Variants in FAM162B observed in about 807,000 individuals in gnomAD.
The protein encoded by FAM162B is family with sequence similarity 162 member B.
In FAM162B, 16 loss-of-function variants were observed where a neutral mutation model predicts 20.0. That is an observed-to-expected ratio of 0.80 (90% CI 0.54 to 1.21). The LOEUF (loss-of-function observed/expected upper bound fraction) is 1.21, where lower values mean the gene tolerates loss of function less well. Ranked by LOEUF, FAM162B falls within the 50% of genes most tolerant of loss-of-function variation. The probability of loss-of-function intolerance (pLI) is 0.00; values close to 1 mark genes in which losing one functional copy is unlikely to be tolerated. For missense variants in FAM162B, 260 were observed against 227.5 expected (o/e 1.14, Z -0.92); for synonymous variants, 83 against 89.7 (o/e 0.93, Z 0.42).
chr6:116,752,442 A>G lies in FAM162B; in HGVS notation c.*155T>C. The G allele has an allele frequency of 3.2e-6, 1 of 314,234 alleles. No individual in the cohort carries two copies. The highest frequency in any genetic ancestry group is 4.3e-5 in the Admixed American group (1 of 23,388). The allele number at this position is 314,234 out of a possible 1,614,324, so 19.5% of individuals were successfully genotyped here. ...TGAATGCATGGTATACTTCAGTAAA[A>G]GTTTACTAAAAAATAAAAATAAAAA... On this transcript the variant is annotated 3_prime_UTR_variant, in exon 4 of 4. Coordinates refer to ENST00000368557, the MANE Select transcript of FAM162B (RefSeq NM_001085480.3).
chr6:116,765,135 C>G lies in FAM162B; in HGVS notation c.281+12G>C. ...GACCGACTCTCCTTCGCGCGGCGGT[C>G]GCCACACTTACGGGATCCGAGGCGG... On this transcript the variant is annotated intron_variant, in intron 2 of 3. Transcript: ENST00000368557. 6.2e-7 allele frequency: 1 copy of G among 1,611,790 alleles called. No individual in the cohort carries two copies. Among genetic ancestry groups the G allele is most frequent in the East Asian group, 2.2e-5 (1 of 44,854 alleles).
intron 3 of FAM162B, among the ~76,000 whole-genome samples, chr6:116,757,985 T>C (rs1780072881): frequency 6.6e-6 from 1 of 152,052 alleles, no homozygotes; most frequent in Non-Finnish European, 1.5e-5. Context: ...GAAGTTTTGT[T>C]TTTGGTTTTG....
intron 3 of FAM162B, among the ~76,000 whole-genome samples, chr6:116,758,028 T>TA (rs1238543764): frequency 1.3e-5 from 2 of 152,020 alleles, no homozygotes; most frequent in African/African-American, 2.4e-5. Context: ...TATATTTTGA[T>TA]AAAAAATGAT....
At position 116,765,198 on chromosome 6, in the gene FAM162B, A is replaced by G; in HGVS notation, c.230T>C (p.Leu77Pro). The G allele has an allele frequency of 1.9e-6, 3 of 1,613,964 alleles. No homozygotes were observed. Among genetic ancestry groups the G allele is most frequent in the Non-Finnish European group, 2.5e-6 (3 of 1,179,970 alleles). Residue 77 changes from leucine (L) to proline (P), a missense_variant, in exon 2 of 4, where the codon CTG (leucine) becomes CCG (proline). Coordinates refer to ENST00000368557, the MANE Select transcript of FAM162B (RefSeq NM_001085480.3). The part of the protein sequence containing the change: ...RRPSQFDKKI[L>P]LWTGRFKSME... ...CGATTTGAAACGCCCTGTCCACAGC[A>G]GGATTTTCTTGTCGAACTGCGAAGG...
At position 116,752,471 on chromosome 6, in the gene FAM162B, C is replaced by T; in HGVS notation, c.*126G>A. 2.5e-6 allele frequency: 1 copy of T among 397,708 alleles called. No individual in the cohort carries two copies. Among genetic ancestry groups the T allele is most frequent in the South Asian group, 5.3e-5 (1 of 18,828 alleles). The allele number at this position is 397,708 out of a possible 1,614,324, so 24.6% of individuals were successfully genotyped here. ...TACTAAAAAATAAAAATAAAAAAGA[C>T]ATTGTGCTTCTTGTTACCAAAATAA... On this transcript the variant is annotated 3_prime_UTR_variant, in exon 4 of 4. Coordinates refer to ENST00000368557, the MANE Select transcript of FAM162B (RefSeq NM_001085480.3).
At chr6:116,764,638 G>A (rs559817023) in intron 2 of FAM162B, among the ~76,000 whole-genome samples, 1 of 152,108 alleles carries the variant, frequency 6.6e-6, no homozygotes, top group South Asian at 2.1e-4. Context: ...TCCGCCAGGC[G>A]TCTCCTGCCC....
chr6:116,752,427 G>GTATA lies in FAM162B; in HGVS notation c.*166_*169dup, dbSNP rs1780001882. ...GTTTTGTCCACTTTTTGAATGCATG[G>GTATA]TATACTTCAGTAAAAGTTTACTAAA... On this transcript the variant is annotated 3_prime_UTR_variant, in exon 4 of 4. Transcript: ENST00000368557. The GTATA allele has an allele frequency of 3.4e-6, 1 of 289,980 alleles. No individual in the cohort carries two copies. The highest frequency in any genetic ancestry group is 2.2e-5 in the African/African-American group (1 of 45,216). 18.0% of individuals were successfully genotyped at this position (289,980 alleles called of 1,614,324 possible).
chr6:116,755,837 C>G (rs1780045214), intron 3 of FAM162B, among the ~76,000 whole-genome samples: 1 of 152,114 alleles, frequency 6.6e-6, no homozygotes, highest in Non-Finnish European at 1.5e-5. Context: ...AATAATGAAG[C>G]CTGGGTGACA....
chr6:116,762,253 C>T (rs1743806277), intron 2 of FAM162B, among the ~76,000 whole-genome samples, 168 bp from the exon 3 acceptor site: 1 of 152,052 alleles, frequency 6.6e-6, no homozygotes, highest in Non-Finnish European at 1.5e-5. Context: ...TTATTTTTAC[C>T]AATTTCAAAT....
At position 116,752,731 on chromosome 6, in the gene FAM162B, T is replaced by TATATATATATATATATATATAGATAG. The variant is rs1554259842; in HGVS notation, c.391-37_391-36insCTATCTATATATATATATATATATAT. 5 of 426,160 alleles carry TATATATATATATATATATATAGATAG rather than the reference T, an allele frequency of 1.2e-5. No individual in the cohort carries two copies. The African/African-American group carries it at 1.4e-4, about 12-fold the overall frequency. 26.4% of individuals were successfully genotyped at this position (426,160 alleles called of 1,614,324 possible). ...GAAGAAATATATATATATATATATA[T>TATATATATATATATATATATAGATAG]ATAGATACACGTATATATATATATA... On this transcript the variant is annotated intron_variant, in intron 3 of 3. Transcript: ENST00000368557.
At chr6:116,764,042 A>G (rs1452915566) in intron 2 of FAM162B, among the ~76,000 whole-genome samples, 1 of 152,194 alleles carries the variant, frequency 6.6e-6, no homozygotes, top group African/African-American at 2.4e-5. Context: ...ACTTGCTCCA[A>G]TAAAAGAACG....
chr6:116,756,920 A>T (rs1780058261), intron 3 of FAM162B, among the ~76,000 whole-genome samples: 1 of 152,230 alleles, frequency 6.6e-6, no homozygotes, highest in South Asian at 2.1e-4. Context: ...GCCTGTTTTC[A>T]TTCATTTCAA....
At position 116,755,202 on chromosome 6, in the gene FAM162B, C is replaced by T. The variant is rs142697539; in HGVS notation, c.391-2507G>A. 7.9e-4 allele frequency among the ~76,000 whole-genome samples: 121 copies of T among 152,266 alleles called. 1 individual carries two copies. The highest frequency in any genetic ancestry group is 2.7e-3 in the African/African-American group (114 of 41,552). On this transcript the variant is annotated intron_variant, in intron 3 of 3. Coordinates refer to ENST00000368557, the MANE Select transcript of FAM162B (RefSeq NM_001085480.3). Reference sequence around the variant, plus strand: ...GTCAAAAGCTTGGCCTCTTGTGCCACGTTGTGAATGCAAAGGAAAAGTTAT... The same window carrying T: ...GTCAAAAGCTTGGCCTCTTGTGCCATGTTGTGAATGCAAAGGAAAAGTTAT...
intron 3 of FAM162B, among the ~76,000 whole-genome samples, chr6:116,754,552 T>C (rs1319882831): frequency 6.6e-6 from 1 of 152,088 alleles, no homozygotes; most frequent in African/African-American, 2.4e-5. Flanking sequence ...AATAGAAGAG[T>C]TGAGGAATAG....
At chr6:116,759,487 T>C (rs150319477) in intron 3 of FAM162B, among the ~76,000 whole-genome samples, 4,434 of 151,594 alleles carry the variant, frequency 0.029, 214 homozygotes, top group African/African-American at 0.1. Context: ...ATTTTTTTTT[T>C]TAGTAGTGAC....
At chr6:116,764,486 C>G (rs1169906887) in intron 2 of FAM162B, among the ~76,000 whole-genome samples, 4 of 151,868 alleles carry the variant, frequency 2.6e-5, no homozygotes, top group Non-Finnish European at 5.9e-5. Context: ...TTACAGGTTA[C>G]ATTACCTTAG....
At position 116,760,332 on chromosome 6, in the gene FAM162B, T is replaced by C. The variant is rs2114551248; in HGVS notation, c.390+1645A>G. On this transcript the variant is annotated intron_variant, in intron 3 of 3. Coordinates refer to ENST00000368557, the MANE Select transcript of FAM162B (RefSeq NM_001085480.3). ...ATAGAATTATATTTGAAATATGGAATTTTAACAGGAAATGAAAAAACCTTT... is the reference window on the plus strand; with the variant it reads ...ATAGAATTATATTTGAAATATGGAACTTTAACAGGAAATGAAAAAACCTTT... Among the ~76,000 whole-genome samples, 4 of 152,330 alleles carry C rather than the reference T, an allele frequency of 2.6e-5. No homozygotes were observed. The East Asian group carries it at 7.7e-4, about 29-fold the overall frequency.
chr6:116,762,139 C>G, intron 2 of FAM162B, 54 bp from the exon 3 acceptor site: 1 of 1,397,786 alleles, frequency 7.2e-7, no homozygotes, highest in South Asian at 1.6e-5. Context: ...GGTTTTCTGA[C>G]AGGCATGATA....
intron 3 of FAM162B, among the ~76,000 whole-genome samples, chr6:116,755,260 A>G (rs1188055099): frequency 6.6e-6 from 1 of 152,262 alleles, no homozygotes; most frequent in Non-Finnish European, 1.5e-5. Flanking sequence ...TCCAGTGAAC[A>G]CCTAAATAAA....
Sources: allele counts gnomAD v4.1 joint callset (sites outside exome capture counted in the v4.1 genomes callset), GRCh38; gene constraint gnomAD v4.1.1; transcripts MANE v1.5; gene names NCBI Gene and HGNC (gene_info 2026-07-23, HGNC 2026-07-21).